Variants in ASXL1 observed in about 807,000 individuals in gnomAD.
ASXL1 encodes the protein ASXL transcriptional regulator 1, also known as polycomb group protein ASXL1.
ASXL1 carries 65 observed loss-of-function variants against 89.1 expected under a neutral mutation model. The observed-to-expected ratio is 0.73, with a 90% CI of 0.60 to 0.90. The LOEUF (loss-of-function observed/expected upper bound fraction) is 0.90, where lower values mean the gene tolerates loss of function less well. ASXL1 is among the 40% of genes least tolerant of loss of function. The probability of loss-of-function intolerance (pLI) is 0.00; values close to 1 mark genes in which losing one functional copy is unlikely to be tolerated. For synonymous variants in ASXL1, 739 were observed against 746.9 expected (o/e 0.99, Z 0.17); for missense variants, 1,786 against 1,942.9 (o/e 0.92, Z 1.52).
At chr20:32,391,386 C>T (rs763917942) in intron 4 of ASXL1, among the ~76,000 whole-genome samples, 1 of 152,090 alleles carries the variant, frequency 6.6e-6, no homozygotes. Flanking sequence ...GTAGATAAAC[C>T]TTGGAGTAAT....
chr20:32,405,967 C>CA (rs998597769), intron 4 of ASXL1, among the ~76,000 whole-genome samples: 64 of 150,380 alleles, frequency 4.3e-4, no homozygotes, highest in East Asian at 2.9e-3. Context: ...TGCAATGTCT[C>CA]AAAAAAAAAT....
intron 4 of ASXL1, among the ~76,000 whole-genome samples, chr20:32,423,492 G>A (rs967749540): frequency 1.3e-5 from 2 of 151,896 alleles, no homozygotes; most frequent in South Asian, 2.1e-4. Flanking sequence ...CCCCCATCTC[G>A]GCCTCCCAAA....
In ASXL1 at chr20:32,434,820, A is replaced by G. The variant is rs764131486; in HGVS notation, c.2108A>G (p.Asn703Ser). 6.2e-7 allele frequency: 1 copy of G among 1,614,110 alleles called. No homozygotes were observed. The highest frequency in any genetic ancestry group is 8.5e-7 in the Non-Finnish European group (1 of 1,180,018). The change falls in exon 13 of 13, where the codon AAT becomes AGT. Residue 703 changes from asparagine to serine, a missense_variant. This residue lies in a region of ASXL1 where 1,418 missense variants were observed against 1,427.8 expected (regional missense o/e 0.99). Coordinates refer to ENST00000375687, the MANE Select transcript of ASXL1 (RefSeq NM_015338.6). The part of the protein sequence containing the change: ...RTQLLPPYPL[N>S]GEHTQAGTAM... ...CAACTACTGCCGCCTTATCCTCTAA[A>G]TGGGGAGCATACCCAGGCCGGAACT...
chr20:32,434,482 T>C lies in ASXL1; in HGVS notation c.1770T>C (p.Thr590=). ...KPPWVVKGQP[T]YQICPRIIPT... is the part of the protein sequence containing the mutation. Reference sequence around the variant, plus strand: ...CCTGGGTGGTTAAAGGTCAGCCCACTTACCAGATATGCCCCCGGATCATCC... The same window carrying C: ...CCTGGGTGGTTAAAGGTCAGCCCACCTACCAGATATGCCCCCGGATCATCC... The change falls in exon 13 of 13, where the codon ACT becomes ACC. Residue 590 remains threonine (T), a synonymous_variant. Coordinates refer to ENST00000375687, the MANE Select transcript of ASXL1 (RefSeq NM_015338.6). 3 of 1,614,106 alleles carry C rather than the reference T, an allele frequency of 1.9e-6. No homozygotes were observed. The South Asian group carries it at 3.3e-5, about 18-fold the overall frequency.
At chr20:32,377,793 C>A (rs2122896418) in intron 4 of ASXL1, among the ~76,000 whole-genome samples, 1 of 151,748 alleles carries the variant, frequency 6.6e-6, no homozygotes, top group East Asian at 1.9e-4. Flanking sequence ...GCTGGGATTA[C>A]AGACATGAGG....
intron 4 of ASXL1, among the ~76,000 whole-genome samples, chr20:32,398,900 C>T (rs1452657654): frequency 2.0e-5 from 3 of 151,572 alleles, no homozygotes; most frequent in Non-Finnish European, 4.4e-5. Context: ...TGAGCCACCG[C>T]GCCCGGCCTG....
At chr20:32,386,607 G>A (rs1033037146) in intron 4 of ASXL1, among the ~76,000 whole-genome samples, 2 of 151,916 alleles carry the variant, frequency 1.3e-5, no homozygotes, top group African/African-American at 2.4e-5. Flanking sequence ...TATTAGAGAT[G>A]GGGTTTCGCC....
intron 4 of ASXL1, among the ~76,000 whole-genome samples, chr20:32,422,580 ATTTTTTTT>A (rs11167168): frequency 9.3e-6 from 1 of 108,048 alleles, no homozygotes; most frequent in Non-Finnish European, 1.8e-5. Flanking sequence ...GGATTGGTTA[ATTTTTTTT>A]TTTTTTTTTT....
intron 4 of ASXL1, among the ~76,000 whole-genome samples, chr20:32,384,274 T>C (rs2048540617): frequency 6.6e-6 from 1 of 150,608 alleles, no homozygotes; most frequent in East Asian, 1.9e-4. Flanking sequence ...TGGTGTGATC[T>C]TTGCTCACTG....
chr20:32,371,336 A>G (rs2122851516), intron 4 of ASXL1, among the ~76,000 whole-genome samples: 1 of 152,180 alleles, frequency 6.6e-6, no homozygotes, highest in Admixed American at 6.5e-5. Flanking sequence ...CCTGGGCTGG[A>G]GTGCAGTATC....
chr20:32,387,960 T>C (rs1014136328), intron 4 of ASXL1, among the ~76,000 whole-genome samples: 1 of 152,210 alleles, frequency 6.6e-6, no homozygotes, highest in Admixed American at 6.5e-5. Flanking sequence ...CTGGGAGTCA[T>C]CAATTTTGGA....
intron 1 of ASXL1, chr20:32,359,436 G>A (rs2048071993): frequency 1.4e-6 from 1 of 701,288 alleles, no homozygotes; most frequent in Non-Finnish European, 2.6e-6. Context: ...GGTTAGGAAC[G>A]CTACTCCTAG....
In ASXL1 at chr20:32,436,862, A is replaced by G. The variant is rs768021025; in HGVS notation, c.4150A>G (p.Asn1384Asp). ...VGGPLKANAE[N>D]RKATGHSPLE... Reference sequence around the variant, plus strand: ...GGGTCCTCTTAAGGCAAATGCCGAGAACAGGAAAGCTACTGGGCATAGTCC... The same window carrying G: ...GGGTCCTCTTAAGGCAAATGCCGAGGACAGGAAAGCTACTGGGCATAGTCC... The change falls in exon 13 of 13, where the codon AAC becomes GAC. Residue 1384 changes from asparagine (N) to aspartate (D), a missense_variant. This residue lies in a region of ASXL1 where 1,418 missense variants were observed against 1,427.8 expected (regional missense o/e 0.99). Coordinates refer to ENST00000375687, the MANE Select transcript of ASXL1 (RefSeq NM_015338.6). 6 of 1,614,174 alleles carry G rather than the reference A, an allele frequency of 3.7e-6. No homozygotes were observed. The highest frequency in any genetic ancestry group is 5.1e-6 in the Non-Finnish European group (6 of 1,180,024).
chr20:32,408,502 C>T (rs1249686697), intron 4 of ASXL1, among the ~76,000 whole-genome samples: 1 of 152,174 alleles, frequency 6.6e-6, no homozygotes, highest in Non-Finnish European at 1.5e-5. Context: ...TGTGAATCCT[C>T]TGTGTTCTTC....
intron 4 of ASXL1, among the ~76,000 whole-genome samples, chr20:32,421,284 A>T (rs908700238): frequency 6.6e-6 from 1 of 152,098 alleles, no homozygotes; most frequent in Non-Finnish European, 1.5e-5. Flanking sequence ...ACATCTTTAG[A>T]CATTAGGCAA....
At position 32,437,015 on chromosome 20, in the gene ASXL1, A is replaced by G; in HGVS notation, c.4303A>G (p.Ser1435Gly). 6.2e-7 allele frequency: 1 copy of G among 1,614,086 alleles called. No homozygotes were observed. Among genetic ancestry groups the G allele is most frequent in the South Asian group, 1.1e-5 (1 of 91,074 alleles). The part of the protein sequence containing the change: ...LEPSSLPSQL[S>G]IKQAFYGKLS... ...GCCTTCTTCTCTCCCCTCCCAACTC[A>G]GCATCAAGCAGGCATTTTATGGGAA... Residue 1435 changes from serine (S) to glycine (G), a missense_variant, in exon 13 of 13, where the codon AGC (serine) becomes GGC (glycine). Ser to Gly is a moderately conservative substitution (Grantham distance 56). This residue lies in a region of ASXL1 where 1,418 missense variants were observed against 1,427.8 expected (regional missense o/e 0.99). Coordinates refer to ENST00000375687, the MANE Select transcript of ASXL1 (RefSeq NM_015338.6).
At chr20:32,404,202 T>C (rs1419413027) in intron 4 of ASXL1, among the ~76,000 whole-genome samples, 1 of 152,210 alleles carries the variant, frequency 6.6e-6, no homozygotes, top group Non-Finnish European at 1.5e-5. Context: ...ACGATCATTT[T>C]ACTCTCTGCC....
At chr20:32,409,468 G>A (rs556293440) in intron 4 of ASXL1, among the ~76,000 whole-genome samples, 2 of 152,180 alleles carry the variant, frequency 1.3e-5, no homozygotes, top group African/African-American at 4.8e-5. Flanking sequence ...CAGACATAAT[G>A]CCCCCTAACC....
In ASXL1 at chr20:32,437,585, C is replaced by A; in HGVS notation, c.*247C>A. 3 of 550,504 alleles carry A rather than the reference C, an allele frequency of 5.4e-6. No individual in the cohort carries two copies. Among genetic ancestry groups the A allele is most frequent in the Non-Finnish European group, 6.4e-6 (2 of 314,106 alleles). The allele number at this position is 550,504 out of a possible 1,614,324, so 34.1% of individuals were successfully genotyped here. A position where few individuals can be genotyped will look rare whatever the true frequency, so the allele number is the denominator to read the frequency against. ...AGCCAGCCTGAGCTCTCCTGCAAGA[C>A]AGAGCCTGATGTGGCACGGAGTGGG... is the stretch of plus-strand genomic sequence containing the variant. On this transcript the variant is annotated 3_prime_UTR_variant, in exon 13 of 13. Transcript: ENST00000375687.
Sources: allele counts gnomAD v4.1 joint callset (sites outside exome capture counted in the v4.1 genomes callset), GRCh38; gene constraint gnomAD v4.1.1; regional missense constraint gnomAD v4.1.1; transcripts MANE v1.5; gene names NCBI Gene and HGNC (gene_info 2026-07-23, HGNC 2026-07-21).